CSMD1: variants seen among roughly 807,000 people sequenced by gnomAD.
The protein encoded by CSMD1 is CUB and Sushi multiple domains 1.
In CSMD1, 213 loss-of-function variants were observed where a neutral mutation model predicts 417.5. The observed-to-expected ratio is 0.51, with a 90% CI of 0.46 to 0.57. The LOEUF is 0.57. Ranked by LOEUF, CSMD1 falls within the 20% of genes least tolerant of loss-of-function variation. CSMD1 has a pLI of 0.00. For synonymous variants in CSMD1, 2,862 were observed against 1,736.8 expected (o/e 1.65, Z -16.11); for missense variants, 6,923 against 4,529.7 (o/e 1.53, Z -15.17).
chr8:4,421,467 G>A (rs1174365843), intron 2 of CSMD1, among the ~76,000 whole-genome samples: 1 of 152,020 alleles, frequency 6.6e-6, no homozygotes, highest in Non-Finnish European at 1.5e-5. Context: ...TAAAATAACT[G>A]AAATCATATA....
intron 5 of CSMD1, among the ~76,000 whole-genome samples, chr8:3,779,149 TTGTGTGTGTGTGTGTGTGTGTG>T (rs56294437): frequency 6.8e-6 from 1 of 147,434 alleles, no homozygotes; most frequent in Admixed American, 6.8e-5. Context: ...GCGTGCATAC[TTGTGTGTGTGTGTGTGTGTGTG>T]TGTGTGTGTG....
chr8:3,218,197 T>G (rs955722565), intron 29 of CSMD1, among the ~76,000 whole-genome samples: 7 of 152,138 alleles, frequency 4.6e-5, no homozygotes, highest in African/African-American at 7.2e-5. Context: ...TCAGAAACCT[T>G]GCTAAACCAG....
chr8:3,794,971 C>G (rs1285273008), intron 5 of CSMD1, among the ~76,000 whole-genome samples: 1 of 151,130 alleles, frequency 6.6e-6, no homozygotes, highest in Non-Finnish European at 1.5e-5. Context: ...TCATGTATAG[C>G]TATAGATATA....
intron 5 of CSMD1, among the ~76,000 whole-genome samples, chr8:3,858,133 T>A (rs1804443883): frequency 6.6e-6 from 1 of 152,244 alleles, no homozygotes; most frequent in African/African-American, 2.4e-5. Flanking sequence ...ATCTTAGCTA[T>A]CTCTCACTAG....
At chr8:4,162,482 G>C (rs945005835) in intron 3 of CSMD1, among the ~76,000 whole-genome samples, 7 of 152,134 alleles carry the variant, frequency 4.6e-5, no homozygotes, top group Admixed American at 1.3e-4. Flanking sequence ...AAGCCAGTTT[G>C]ATGAACAGTT....
intron 4 of CSMD1, among the ~76,000 whole-genome samples, chr8:4,013,750 C>T (rs1183543568): frequency 4.6e-5 from 7 of 152,208 alleles, no homozygotes; most frequent in South Asian, 2.1e-4. Context: ...TTGTGGGTTA[C>T]ATTCAGTCCA....
At chr8:3,859,997 C>A (rs1275234572) in intron 5 of CSMD1, among the ~76,000 whole-genome samples, 1 of 152,082 alleles carries the variant, frequency 6.6e-6, no homozygotes, top group Non-Finnish European at 1.5e-5. Context: ...TTGGGAAACC[C>A]AAACTTGGAG....
chr8:4,403,541 G>C (rs999440142), intron 3 of CSMD1, among the ~76,000 whole-genome samples: 7 of 152,070 alleles, frequency 4.6e-5, no homozygotes, highest in Non-Finnish European at 1.0e-4. Context: ...ATTCGCCAGG[G>C]CTGATCACCT....
At chr8:3,469,039 C>A in intron 11 of CSMD1, 1 of 383,318 alleles carries the variant, frequency 2.6e-6, no homozygotes, top group Non-Finnish European at 4.6e-6. Flanking sequence ...TCTATGGCTG[C>A]CAATTCGTGA....
At chr8:4,004,343 G>GTA (rs895860706) in intron 4 of CSMD1, among the ~76,000 whole-genome samples, 1 of 151,386 alleles carries the variant, frequency 6.6e-6, no homozygotes, top group African/African-American at 2.4e-5. Context: ...TTCTGAGAGA[G>GTA]TATATCCACA....
intron 12 of CSMD1, among the ~76,000 whole-genome samples, chr8:3,416,136 C>A (rs186046682): frequency 1.6e-3 from 244 of 149,346 alleles, no homozygotes; most frequent in African/African-American, 5.8e-3. Flanking sequence ...CCCGTCTCTA[C>A]TAAAAATACA....
At chr8:3,339,899 C>G (rs568595608) in intron 23 of CSMD1, among the ~76,000 whole-genome samples, 1 of 152,190 alleles carries the variant, frequency 6.6e-6, no homozygotes, top group African/African-American at 2.4e-5. Flanking sequence ...ATAGACAAGT[C>G]TGTAATAAAA....
intron 3 of CSMD1, among the ~76,000 whole-genome samples, chr8:4,348,575 GTGTGTGTATGCA>G (rs1800907756): frequency 1.4e-5 from 2 of 146,738 alleles, no homozygotes; most frequent in Admixed American, 7.0e-5. Flanking sequence ...GTGCATCTGT[GTGTGTGTATGCA>G]TGTGTGTGTG....
At position 2,963,432 on chromosome 8, in the gene CSMD1, G is replaced by C. The variant is rs1385860074; in HGVS notation, c.9281-37C>G. 1.9e-6 allele frequency: 3 copies of C among 1,599,206 alleles called. No individual in the cohort carries two copies. In the African/African-American group the frequency reaches 4.0e-5, roughly 21 times the overall value. On this transcript the variant is annotated intron_variant, in intron 59 of 69. Coordinates refer to ENST00000635120, the MANE Select transcript of CSMD1 (RefSeq NM_033225.6). The stretch of plus-strand genomic sequence containing the variant: ...GAACAAACAAGATCAACATTCCGGA[G>C]CTCCCGCTGCAGCGGTGATGTTCAA...
chr8:4,592,665 G>C (rs1000669087), intron 2 of CSMD1, among the ~76,000 whole-genome samples: 2 of 152,156 alleles, frequency 1.3e-5, no homozygotes, highest in Non-Finnish European at 2.9e-5. Flanking sequence ...AGGATTACCA[G>C]CGTGAGCCAC....
chr8:4,793,341 T>G (rs1041494320), intron 1 of CSMD1, among the ~76,000 whole-genome samples: 1 of 152,180 alleles, frequency 6.6e-6, no homozygotes, highest in Non-Finnish European at 1.5e-5. Flanking sequence ...ATTATAGTAC[T>G]ATAACTACTA....
intron 11 of CSMD1, among the ~76,000 whole-genome samples, chr8:3,477,635 C>A (rs1270946091): frequency 2.6e-5 from 4 of 152,176 alleles, no homozygotes; most frequent in African/African-American, 9.7e-5. Context: ...AAATTGGCAG[C>A]TGCAAAGCAG....
chr8:4,201,213 C>G (rs973031437), intron 3 of CSMD1, among the ~76,000 whole-genome samples: 4 of 152,034 alleles, frequency 2.6e-5, no homozygotes, highest in Non-Finnish European at 4.4e-5. Context: ...ATACATGGCA[C>G]AAAGAAAATA....
intron 2 of CSMD1, among the ~76,000 whole-genome samples, chr8:4,580,388 G>C (rs915635950): frequency 1.3e-4 from 20 of 152,130 alleles, no homozygotes; most frequent in African/African-American, 4.1e-4. Flanking sequence ...ATCTTCCTTT[G>C]TTGTGTATCG....
Sources: allele counts gnomAD v4.1 joint callset (sites outside exome capture counted in the v4.1 genomes callset), GRCh38; gene constraint gnomAD v4.1.1; transcripts MANE v1.5; gene names NCBI Gene and HGNC (gene_info 2026-07-23, HGNC 2026-07-21).